HIBCH: variants seen among roughly 807,000 people sequenced by gnomAD.
HIBCH encodes the protein 3-hydroxyisobutyryl-CoA hydrolase, mitochondrial.
Under a neutral mutation model 58.2 loss-of-function variants are expected in HIBCH, and 50 were observed. The ratio of observed to expected loss-of-function variants is 0.86; its 90% CI spans 0.68 to 1.09. The LOEUF (loss-of-function observed/expected upper bound fraction) is 1.09. Among genes scored for constraint, HIBCH ranks in the 50% least tolerant of loss-of-function variants. The pLI, the probability that HIBCH is intolerant of heterozygous loss-of-function variation, is 0.00. For synonymous variants in HIBCH, 151 were observed against 146.9 expected (o/e 1.03, Z -0.20); for missense variants, 450 against 449.7 (o/e 1.00, Z -0.01).
At chr2:190,249,491 C>T in intron 9 of HIBCH, 149 bp downstream of exon 9, 1 of 587,502 alleles carries the variant, frequency 1.7e-6, no homozygotes, top group South Asian at 2.1e-5. Context: ...AACTGTGAAG[C>T]ACTGATTCTT....
Position 190,293,453 on chromosome 2 carries a change from CA to C in HIBCH, c.304+1092del, listed in dbSNP as rs10539492. The stretch of plus-strand genomic sequence containing the variant: ...GCGCAACAAGAGCGAAACTCCGTCT[CA>C]AAAAAAAAAATAAATAAATAAATAA... On this transcript the variant is annotated intron_variant, in intron 4 of 13. Transcript: ENST00000359678. Among the ~76,000 whole-genome samples, 980 of 149,590 alleles carry C rather than the reference CA, an allele frequency of 6.6e-3. 9 individuals are homozygous for C. The highest frequency in any genetic ancestry group is 0.023 in the African/African-American group (928 of 40,246).
At chr2:190,192,007 C>T (rs1689732994) in intron 1 of HIBCH, among the ~76,000 whole-genome samples, 1 of 151,290 alleles carries the variant, frequency 6.6e-6, no homozygotes, top group South Asian at 2.1e-4. Context: ...ATGGTTCATG[C>T]TTTTGGTATC....
rs952136422 is a variant in HIBCH at position 190,204,317 on chromosome 2, C to CT, written c.*799dup. ...TAAATTATAAAAAAACAGAGTGTCT[C>CT]TATCTAAGAGATTGGAGTTTCCTAA... On this transcript the variant is annotated 3_prime_UTR_variant, in exon 14 of 14. Transcript: ENST00000359678. The CT allele has an allele frequency of 1.6e-4, 24 of 151,994 alleles. No homozygotes were observed. The highest frequency in any genetic ancestry group is 5.6e-4 in the African/African-American group (23 of 41,418). 9.4% of individuals were successfully genotyped at this position (151,994 alleles called of 1,614,324 possible).
At chr2:190,296,550 G>T (rs561913880) in intron 3 of HIBCH, among the ~76,000 whole-genome samples, 14 of 152,248 alleles carry the variant, frequency 9.2e-5, no homozygotes, top group African/African-American at 3.4e-4. Flanking sequence ...AATACAGAGT[G>T]ACAGAACACA....
Position 190,206,079 on chromosome 2 carries a change from A to C in HIBCH, c.1046-847T>G, listed in dbSNP as rs1268607584. On this transcript the variant is annotated intron_variant, in intron 13 of 13. Transcript: ENST00000359678. This position sits in a 1 kb window ranked among gnomAD's most constrained non-coding sequence, Gnocchi z 5.1. ...TTCTTGTGAAGAATGGAAATATTTAAATGTGCAAACTATAGTGAACTAGAA... is the reference window on the plus strand; with the variant it reads ...TTCTTGTGAAGAATGGAAATATTTACATGTGCAAACTATAGTGAACTAGAA... Among the ~76,000 whole-genome samples the C allele has an allele frequency of 6.6e-6, 1 of 152,204 alleles. No homozygotes were observed. Among genetic ancestry groups the C allele is most frequent in the Non-Finnish European group, 1.5e-5 (1 of 68,034 alleles).
intron 11 of HIBCH, among the ~76,000 whole-genome samples, chr2:190,238,958 TCTTTA>T (rs1447625819): frequency 6.6e-6 from 1 of 152,254 alleles, no homozygotes; most frequent in African/African-American, 2.4e-5. Flanking sequence ...GTACAGAAGC[TCTTTA>T]GTTTAATTAG....
In HIBCH at chr2:190,243,579, C is replaced by A. The variant is rs1686514066; in HGVS notation, c.891+1308G>T. Among the ~76,000 whole-genome samples, 1 of 152,100 alleles carries A rather than the reference C, an allele frequency of 6.6e-6. No homozygotes were observed. The highest frequency in any genetic ancestry group is 1.5e-5 in the Non-Finnish European group (1 of 68,024). Reference sequence around the variant, plus strand: ...GTTAGGCAAATAAATGGCTGGTCTACCTGCTCTAATTTATGCCCATCCTTG... The same window carrying A: ...GTTAGGCAAATAAATGGCTGGTCTAACTGCTCTAATTTATGCCCATCCTTG... On this transcript the variant is annotated intron_variant, in intron 11 of 13. Transcript: ENST00000359678. This position sits in a 1 kb window ranked among gnomAD's most constrained non-coding sequence, Gnocchi z 4.1.
At position 190,306,973 on chromosome 2, in the gene HIBCH, C is replaced by T. The variant is rs1688426279; in HGVS notation, c.78+3781G>A. On this transcript the variant is annotated intron_variant, in intron 2 of 13. Transcript: ENST00000359678. This position sits in a 1 kb window ranked among gnomAD's most constrained non-coding sequence, Gnocchi z 4.6. ...CATCACCAGACACCAAATCCGCTGG[C>T]CCCTTGATCTTGAACTCCCCAGCCT... Among the ~76,000 whole-genome samples the T allele has an allele frequency of 6.6e-6, 1 of 152,178 alleles. No individual in the cohort carries two copies. Among genetic ancestry groups the T allele is most frequent in the African/African-American group, 2.4e-5 (1 of 41,452 alleles).
chr2:190,229,856 T>A (rs78198927), intron 11 of HIBCH, among the ~76,000 whole-genome samples: 24,141 of 151,826 alleles, frequency 0.16, 2,707 homozygotes, highest in East Asian at 0.39. Flanking sequence ...TTTTTTTTTT[T>A]AAGGAAAATC....
intron 8 of HIBCH, chr2:190,251,518 A>C: frequency 2.2e-6 from 1 of 449,156 alleles, no homozygotes; most frequent in Non-Finnish European, 4.6e-6. Context: ...CACATGTAAC[A>C]CAAGGAGTTT....
At chr2:190,202,750 A>C (rs1394311829), downstream of HIBCH, 1 of 167,082 alleles carries the variant, frequency 6.0e-6, no homozygotes. Flanking sequence ...TTCTACCAGC[A>C]CAACAAAGAG....
Position 190,310,792 on chromosome 2 carries a change from T to C in HIBCH, c.40A>G (p.Asn14Asp). 6.2e-7 allele frequency: 1 copy of C among 1,606,280 alleles called. No individual in the cohort carries two copies. The highest frequency in any genetic ancestry group is 8.5e-7 in the Non-Finnish European group (1 of 1,172,828). Residue 14 changes from asparagine (N) to aspartate (D), a missense_variant, in exon 2 of 14, where the codon AAT (asparagine) becomes GAT (aspartate). Coordinates refer to ENST00000359678, the MANE Select transcript of HIBCH (RefSeq NM_014362.4). ...ATGGTATTAGTCCTTTTGAATGCAT[T>C]AAACCTGAAACAAATGTGGAAAACA... The part of the protein sequence containing the change: ...REMWRLMSRF[N>D]AFKRTNTILH...
rs1163134304 is a variant in HIBCH, at chr2:190,214,436, T to G, written c.892-1361A>C. The G allele has an allele frequency of 6.6e-6, 1 of 152,178 alleles. No individual in the cohort carries two copies. Among genetic ancestry groups the G allele is most frequent in the African/African-American group, 2.4e-5 (1 of 41,422 alleles). The allele number at this position is 152,178 out of a possible 1,614,324, so 9.4% of individuals were successfully genotyped here. On this transcript the variant is annotated intron_variant, in intron 11 of 13. Transcript: ENST00000359678. The surrounding 1 kb of genome is among the most constrained non-coding windows in gnomAD (Gnocchi z 5.5). ...AGACCCCCTCTGACATTCTCCCAGATAGTCCCTTGGGGAGAATGTTGCAGG... is the reference window on the plus strand; with the variant it reads ...AGACCCCCTCTGACATTCTCCCAGAGAGTCCCTTGGGGAGAATGTTGCAGG...
chr2:190,198,528 G>T (rs73053733), intron 1 of HIBCH, among the ~76,000 whole-genome samples: 3,838 of 151,234 alleles, frequency 0.025, 178 homozygotes, highest in African/African-American at 0.089. Context: ...GCTACTCAGT[G>T]GGCTGAGGTG....
chr2:190,267,900 A>G (rs1487329575), intron 6 of HIBCH, among the ~76,000 whole-genome samples: 2 of 152,194 alleles, frequency 1.3e-5, no homozygotes, highest in African/African-American at 4.8e-5. Flanking sequence ...CCAGCTTCAA[A>G]TTCTCTGAAG....
intron 7 of HIBCH, 125 bp downstream of exon 7, chr2:190,261,031 T>A: frequency 9.5e-6 from 7 of 737,968 alleles, no homozygotes; most frequent in Non-Finnish European, 1.6e-5. Context: ...ATTTCTTTTT[T>A]AAAATCCTTT....
rs1687868288 is a variant in HIBCH, at chr2:190,287,784, T to C, written c.386-146A>G. The C allele has an allele frequency of 4.6e-6, 3 of 645,368 alleles. No individual in the cohort carries two copies. The East Asian group carries it at 8.3e-5, about 18-fold the overall frequency. 40.0% of individuals were successfully genotyped at this position (645,368 alleles called of 1,614,324 possible). On this transcript the variant is annotated intron_variant, in intron 5 of 13. Coordinates refer to ENST00000359678, the MANE Select transcript of HIBCH (RefSeq NM_014362.4). The stretch of plus-strand genomic sequence containing the variant: ...CAAAGACGACTAAATGTATGGCTTA[T>C]AAAATACATATTTTTAAATGTCAAT...
At chr2:190,219,952 A>G (rs1685669938) in intron 11 of HIBCH, among the ~76,000 whole-genome samples, 1 of 152,226 alleles carries the variant, frequency 6.6e-6, no homozygotes, top group Non-Finnish European at 1.5e-5. Flanking sequence ...GACTCCAGAG[A>G]AGTGTCTTAA....
chr2:190,221,763 G>A (rs1233678629), intron 11 of HIBCH, among the ~76,000 whole-genome samples: 2 of 152,116 alleles, frequency 1.3e-5, no homozygotes, highest in Non-Finnish European at 2.9e-5. Context: ...CGGAGACTAC[G>A]GTTGGACATT....
Sources: allele counts gnomAD v4.1 joint callset (sites outside exome capture counted in the v4.1 genomes callset), GRCh38; gene constraint gnomAD v4.1.1; non-coding constraint Gnocchi (gnomAD v3.1); transcripts MANE v1.5; gene names NCBI Gene and HGNC (gene_info 2026-07-23, HGNC 2026-07-21).